The following SIPA1L1 variants were observed in gnomAD, a reference collection of about 807,000 sequenced individuals.
SIPA1L1 encodes the protein signal-induced proliferation-associated 1-like protein 1.
A neutral mutation model predicts 162.7 loss-of-function variants in SIPA1L1; 26 were observed. The ratio of observed to expected loss-of-function variants is 0.16; its 90% CI spans 0.12 to 0.22. The LOEUF (loss-of-function observed/expected upper bound fraction) is 0.22, where lower values mean the gene tolerates loss of function less well. Among genes scored for constraint, SIPA1L1 ranks in the 10% least tolerant of loss-of-function variants. SIPA1L1 has a pLI of 1.00. For synonymous variants in SIPA1L1, 829 were observed against 837.4 expected (o/e 0.99, Z 0.17); for missense variants, 1,874 against 2,241.0 (o/e 0.84, Z 3.31).
intron 2 of SIPA1L1, among the ~76,000 whole-genome samples, chr14:71,454,919 G>A (rs1347664388): frequency 3.3e-5 from 5 of 152,206 alleles, no homozygotes; most frequent in East Asian, 1.9e-4. Flanking sequence ...TGAGTGAGAC[G>A]GGACACCTGA....
chr14:71,655,545 T>C (rs776563101), intron 8 of SIPA1L1, among the ~76,000 whole-genome samples: 23 of 152,220 alleles, frequency 1.5e-4, no homozygotes, highest in Non-Finnish European at 2.9e-5. Context: ...GAAATCTCCA[T>C]ACTGTTTTCC....
intron 15 of SIPA1L1, among the ~76,000 whole-genome samples, chr14:71,704,426 CAGG>C (rs1287060160): frequency 6.6e-6 from 1 of 152,172 alleles, no homozygotes; most frequent in African/African-American, 2.4e-5. Flanking sequence ...ACAGTGGAGA[CAGG>C]AGTTTAGCCT....
chr14:71,356,572 A>AAAAAAAAAAAAAAAAAAAAAAAAAAG (rs2037279090), intron 2 of SIPA1L1, among the ~76,000 whole-genome samples: 1 of 139,812 alleles, frequency 7.2e-6, no homozygotes, highest in Non-Finnish European at 1.5e-5. Context: ...CTCTACAAAA[A>AAAAAAAAAAAAAAAAAAAAAAAAAAG]AAAAAAAAAA....
intron 4 of SIPA1L1, among the ~76,000 whole-genome samples, chr14:71,538,172 T>G (rs1237702497): frequency 6.6e-6 from 1 of 152,252 alleles, no homozygotes; most frequent in Non-Finnish European, 1.5e-5. Context: ...CCTACTGTTA[T>G]ACACTAAGAT....
At chr14:71,571,797 A>G (rs1217206604) in intron 4 of SIPA1L1, among the ~76,000 whole-genome samples, 5 of 147,464 alleles carry the variant, frequency 3.4e-5, no homozygotes, top group African/African-American at 7.5e-5. Context: ...GCCTGCCACC[A>G]TGCCTGGCTC....
intron 16 of SIPA1L1, among the ~76,000 whole-genome samples, chr14:71,706,649 TAGTA>T (rs1268221936): frequency 1.3e-5 from 2 of 152,214 alleles, no homozygotes; most frequent in African/African-American, 2.4e-5. Flanking sequence ...TTACAGCACT[TAGTA>T]AGTTGTTATT....
At chr14:71,544,259 C>CAT (rs770224996) in intron 4 of SIPA1L1, among the ~76,000 whole-genome samples, 204 of 105,714 alleles carry the variant, frequency 1.9e-3, no homozygotes, top group Non-Finnish European at 4.2e-3. Context: ...TGTATATACA[C>CAT]ATGATATGTG....
At chr14:71,715,408 T>C (rs935725167) in intron 17 of SIPA1L1, among the ~76,000 whole-genome samples, 1 of 152,224 alleles carries the variant, frequency 6.6e-6, no homozygotes, top group African/African-American at 2.4e-5. Context: ...TACTATTGCA[T>C]CTTTCAGTTC....
intron 2 of SIPA1L1, among the ~76,000 whole-genome samples, chr14:71,332,579 G>C (rs2034673105): frequency 6.6e-6 from 1 of 152,062 alleles, no homozygotes; most frequent in Non-Finnish European, 1.5e-5. Context: ...AATGCCTTTT[G>C]GTTAAGATTT....
intron 2 of SIPA1L1, chr14:71,330,885 C>T: frequency 1.8e-6 from 1 of 559,404 alleles, no homozygotes; most frequent in Non-Finnish European, 3.3e-6. Flanking sequence ...TTTTGCTCTG[C>T]TGATTGTATC....
At chr14:71,333,899 A>G (rs894066987) in intron 2 of SIPA1L1, among the ~76,000 whole-genome samples, 1 of 152,190 alleles carries the variant, frequency 6.6e-6, no homozygotes, top group African/African-American at 2.4e-5. Flanking sequence ...GGTGATGAGA[A>G]GTGAGTGGTT....
chr14:71,405,216 G>A (rs1004485011), intron 2 of SIPA1L1, among the ~76,000 whole-genome samples: 10 of 152,184 alleles, frequency 6.6e-5, no homozygotes, highest in African/African-American at 2.2e-4. Flanking sequence ...AGGTCCTTCT[G>A]AGGAAGTGAC....
chr14:71,371,650 T>G (rs961153474), intron 2 of SIPA1L1, among the ~76,000 whole-genome samples: 2 of 152,192 alleles, frequency 1.3e-5, no homozygotes, highest in African/African-American at 4.8e-5. Context: ...TCCACCTGCC[T>G]CTGCCTCCCA....
At chr14:71,344,376 A>G (rs1028414566) in intron 2 of SIPA1L1, among the ~76,000 whole-genome samples, 3 of 152,238 alleles carry the variant, frequency 2.0e-5, no homozygotes, top group Non-Finnish European at 4.4e-5. Flanking sequence ...GAGACAATGT[A>G]TATAGCACCC....
At chr14:71,628,824 T>C (rs1358673586) in intron 7 of SIPA1L1, among the ~76,000 whole-genome samples, 1 of 152,124 alleles carries the variant, frequency 6.6e-6, no homozygotes, top group African/African-American at 2.4e-5. Flanking sequence ...GGGTGGTCCA[T>C]ACTCAGAACA....
At chr14:71,482,162 C>T (rs2048398883) in intron 2 of SIPA1L1, among the ~76,000 whole-genome samples, 1 of 152,134 alleles carries the variant, frequency 6.6e-6, no homozygotes, top group East Asian at 1.9e-4. Flanking sequence ...CAGGAGAACC[C>T]TGGGAAGCTG....
chr14:71,638,640 A>G (rs1448507494), intron 7 of SIPA1L1, among the ~76,000 whole-genome samples: 2 of 152,374 alleles, frequency 1.3e-5, no homozygotes, highest in East Asian at 1.9e-4. Context: ...AACATAGTAC[A>G]AGAAGTTCTA....
chr14:71,606,615 G>A (rs1169165950), intron 5 of SIPA1L1, among the ~76,000 whole-genome samples: 1 of 152,110 alleles, frequency 6.6e-6, no homozygotes, highest in African/African-American at 2.4e-5. Context: ...GGGCCTGCAA[G>A]GGTCATGGGG....
At chr14:71,634,133 G>T (rs1333758743) in intron 7 of SIPA1L1, among the ~76,000 whole-genome samples, 1 of 151,954 alleles carries the variant, frequency 6.6e-6, no homozygotes, top group African/African-American at 2.4e-5. Flanking sequence ...GGGCACGGTG[G>T]CTCATGCCTG....
Sources: allele counts gnomAD v4.1 joint callset (sites outside exome capture counted in the v4.1 genomes callset), GRCh38; gene constraint gnomAD v4.1.1; transcripts MANE v1.5; gene names NCBI Gene and HGNC (gene_info 2026-07-23, HGNC 2026-07-21).